The following RCOR3 variants were observed in gnomAD, a reference collection of about 807,000 sequenced individuals.
RCOR3 encodes REST corepressor 3.
Under a neutral mutation model 64.1 loss-of-function variants are expected in RCOR3, and 13 were observed. The observed-to-expected ratio is 0.20, with a 90% confidence interval of 0.13 to 0.32. The LOEUF is 0.32. RCOR3 is among the 10% of genes least tolerant of loss of function. The probability of loss-of-function intolerance (pLI) is 1.00; values close to 1 mark genes in which losing one functional copy is unlikely to be tolerated. For missense variants in RCOR3, 489 were observed against 701.2 expected, an observed-to-expected ratio of 0.70 and a Z score of 3.42; for synonymous variants, 215 against 239.0, an observed-to-expected ratio of 0.90 and a Z score of 0.93.
intron 3 of RCOR3, 94 bp downstream of exon 3, chr1:211,271,403 C>A: frequency 1.1e-6 from 1 of 878,472 alleles, no homozygotes; most frequent in Non-Finnish European, 1.8e-6. Flanking sequence ...TATAGATTCT[C>A]ATAAGAAAAC....
chr1:211,287,593 A>G (rs1698705493), intron 7 of RCOR3, among the ~76,000 whole-genome samples: 1 of 152,212 alleles, frequency 6.6e-6, no homozygotes, highest in Non-Finnish European at 1.5e-5. Context: ...GCTTCATAAT[A>G]AATTTTTAGT....
intron 10 of RCOR3, among the ~76,000 whole-genome samples, chr1:211,308,687 T>TTTTTTTTTTG (rs1701159420): frequency 1.5e-5 from 1 of 64,804 alleles, no homozygotes; most frequent in African/African-American, 5.1e-5. Flanking sequence ...TTTTTTTGTT[T>TTTTTTTTTTG]TTTTTTTTTT....
chr1:211,275,541 GT>G (rs1696842816), intron 4 of RCOR3, among the ~76,000 whole-genome samples: 1 of 152,036 alleles, frequency 6.6e-6, no homozygotes, highest in South Asian at 2.1e-4. Flanking sequence ...GAAAATAAAA[GT>G]TTGTGCCCTA....
In RCOR3 at chr1:211,314,442, T is replaced by C. The variant is rs1482913796; in HGVS notation, c.*674T>C. On this transcript the variant is annotated 3_prime_UTR_variant, in exon 12 of 12. Transcript: ENST00000419091. Reference sequence around the variant, plus strand: ...AGAATGTACTGAACCTACTAACCCTTTAACATACAGTTTAGGGTCCTAGCG... The same window carrying C: ...AGAATGTACTGAACCTACTAACCCTCTAACATACAGTTTAGGGTCCTAGCG... The C allele has an allele frequency of 1.3e-5, 2 of 152,214 alleles. No individual in the cohort carries two copies. The highest frequency in any genetic ancestry group is 1.9e-4 in the East Asian group (1 of 5,204). The allele number at this position is 152,214 out of a possible 1,614,324, so 9.4% of individuals were successfully genotyped here.
chr1:211,275,831 A>C (rs1441065236), intron 4 of RCOR3, among the ~76,000 whole-genome samples: 1 of 152,210 alleles, frequency 6.6e-6, no homozygotes, highest in Non-Finnish European at 1.5e-5. Context: ...ATGTCTCTCT[A>C]CTAAACCCCA....
chr1:211,305,805 T>C (rs142935287), intron 10 of RCOR3, among the ~76,000 whole-genome samples: 71 of 152,254 alleles, frequency 4.7e-4, no homozygotes, highest in African/African-American at 1.7e-3. Flanking sequence ...AGTGGTAATA[T>C]CTAAATATAT....
chr1:211,304,025 G>A (rs574879656), intron 9 of RCOR3, 58 bp from the exon 10 acceptor site: 52 of 1,211,926 alleles, frequency 4.3e-5, no homozygotes, highest in South Asian at 8.5e-5. Context: ...AAAAATAAGC[G>A]CTTTGGAAAA....
intron 5 of RCOR3, among the ~76,000 whole-genome samples, chr1:211,277,558 A>G (rs189498756): frequency 6.6e-6 from 1 of 152,362 alleles, no homozygotes; most frequent in East Asian, 1.9e-4. Context: ...GAAAGAAGCA[A>G]GACACAAAAG....
chr1:211,315,573 T>C lies in RCOR3; in HGVS notation c.*1805T>C, dbSNP rs575429814. ...GGGGACAGTTAAATATCTTAAAATATCTAAAACATTTTTTAAAGCACTTAG... is the reference window on the plus strand; with the variant it reads ...GGGGACAGTTAAATATCTTAAAATACCTAAAACATTTTTTAAAGCACTTAG... On this transcript the variant is annotated 3_prime_UTR_variant, in exon 12 of 12. Transcript: ENST00000419091. 6.6e-6 allele frequency: 1 copy of C among 152,242 alleles called. No homozygotes were observed. Among genetic ancestry groups the C allele is most frequent in the Non-Finnish European group, 1.5e-5 (1 of 68,034 alleles). 9.4% of individuals were successfully genotyped at this position (152,242 alleles called of 1,614,324 possible).
intron 9 of RCOR3, chr1:211,302,214 C>G (rs1257177625): frequency 6.6e-6 from 1 of 152,228 alleles, no homozygotes; most frequent in African/African-American, 2.4e-5. Flanking sequence ...TTATCCTTCT[C>G]TGTCACTCTC....
Position 211,261,820 on chromosome 1 carries a change from C to T in RCOR3, c.223+1656C>T, listed in dbSNP as rs979883813. ...CCTGTAAACCCAGCTACTCGGGAGG[C>T]TGAGGCAGGAGAATCATTGCTTGAA... On this transcript the variant is annotated intron_variant, in intron 2 of 11. Transcript: ENST00000419091. Among the ~76,000 whole-genome samples, 3 of 141,190 alleles carry T rather than the reference C, an allele frequency of 2.1e-5. No homozygotes were observed. In the East Asian group the frequency reaches 7.1e-4, roughly 33 times the overall value. 92.6% of individuals were successfully genotyped at this position (141,190 alleles called of 152,430 possible).
At chr1:211,260,063 CTTCT>C (rs779287511) in intron 1 of RCOR3, 41 bp from the exon 2 acceptor site, 4 of 1,443,176 alleles carry the variant, frequency 2.8e-6, no homozygotes, top group Admixed American at 2.6e-5. Context: ...TCTTTCTTTT[CTTCT>C]TTTTTATTTT....
Position 211,259,940 on chromosome 1 carries a change from C to G in RCOR3, c.167-168C>G, listed in dbSNP as rs1485331840. ...TCCGCCTTTGCCCCCCCCCGCTCCC[C>G]GCCCCCAATCCGCTGCCATCTCCCG... On this transcript the variant is annotated intron_variant, in intron 1 of 11. Coordinates refer to ENST00000419091, the MANE Select transcript of RCOR3 (RefSeq NM_001136223.3). 2.3e-6 allele frequency: 3 copies of G among 1,324,254 alleles called. No homozygotes were observed. In the East Asian group the frequency reaches 8.4e-5, roughly 37 times the overall value. 82.0% of individuals were successfully genotyped at this position (1,324,254 alleles called of 1,614,324 possible).
At position 211,289,122 on chromosome 1, in the gene RCOR3, C is replaced by T. The variant is rs913039759; in HGVS notation, c.721-56C>T. 9.7e-6 allele frequency: 13 copies of T among 1,333,528 alleles called. No individual in the cohort carries two copies. In the African/African-American group the frequency reaches 1.7e-4, roughly 18 times the overall value. 82.6% of individuals were successfully genotyped at this position (1,333,528 alleles called of 1,614,324 possible). ...ACTTCTAATATTAATAGACTGTTTT[C>T]ACTTTATACATTTGTGAAAACCAAG... On this transcript the variant is annotated intron_variant, in intron 7 of 11. Transcript: ENST00000419091.
chr1:211,274,286 GT>G, intron 4 of RCOR3, 24 bp downstream of exon 4: 1 of 1,488,656 alleles, frequency 6.7e-7, no homozygotes, highest in Non-Finnish European at 9.4e-7. Context: ...CACTTCAGTA[GT>G]AAGGCTTGTC....
At chr1:211,304,200 ACTACT>A (rs1015463629) in intron 10 of RCOR3, 60 bp downstream of exon 10, 24 of 1,232,468 alleles carry the variant, frequency 1.9e-5, no homozygotes, top group Admixed American at 2.5e-5. Flanking sequence ...ATGAAAGGTG[ACTACT>A]CTAGTTCTTC....
intron 2 of RCOR3, among the ~76,000 whole-genome samples, chr1:211,262,383 C>T (rs1218034458): frequency 3.3e-5 from 5 of 152,022 alleles, no homozygotes; most frequent in African/African-American, 1.2e-4. Flanking sequence ...GGGCATATGG[C>T]AATTATTCTA....
chr1:211,313,497 C>T lies in RCOR3; in HGVS notation c.1391C>T (p.Ala464Val). The T allele has an allele frequency of 2.5e-6, 4 of 1,614,144 alleles. No homozygotes were observed. The highest frequency in any genetic ancestry group is 3.4e-6 in the Non-Finnish European group (4 of 1,180,024). The change falls in exon 12 of 12, where the codon GCC becomes GTC. Residue 464 changes from alanine to valine, a missense_variant. Ala to Val is a moderately conservative substitution (Grantham distance 64). Around this residue, in one of 2 missense-constraint regions of RCOR3, gnomAD observed 402 missense variants for 617.0 expected, o/e 0.65. Coordinates refer to ENST00000419091, the MANE Select transcript of RCOR3 (RefSeq NM_001136223.3). This position sits in a 1 kb window ranked among gnomAD's most constrained non-coding sequence, Gnocchi z 4.7. ...CCATCATCCACTCCAACACCAACAGCCCCTATTGCCACTCTGAACCAGCCT... is the reference window on the plus strand; with the variant it reads ...CCATCATCCACTCCAACACCAACAGTCCCTATTGCCACTCTGAACCAGCCT... Reference protein sequence around the residue: ...PAPSSTPTPTAPIATLNQPPP... With the variant: ...PAPSSTPTPTVPIATLNQPPP...
chr1:211,271,889 A>G (rs1367343463), intron 3 of RCOR3: 1 of 165,520 alleles, frequency 6.0e-6, no homozygotes, highest in Admixed American at 5.7e-5. Context: ...CAACACTAAG[A>G]TACCCACCCC....
Sources: gnomAD v4.1 joint callset for allele counts (sites outside exome capture counted in the v4.1 genomes callset) on GRCh38, gnomAD v4.1.1 for gene constraint, gnomAD v4.1.1 regional missense constraint, Gnocchi (gnomAD v3.1) non-coding constraint, MANE v1.5 for transcripts, NCBI Gene and HGNC (gene_info 2026-07-23, HGNC 2026-07-21) for gene names.